The following MAPKAP1 variants were observed in gnomAD, a reference collection of about 807,000 sequenced individuals.
MAPKAP1 encodes the protein target of rapamycin complex 2 subunit MAPKAP1.
Under a neutral mutation model 65.7 loss-of-function variants are expected in MAPKAP1, and 20 were observed. The ratio of observed to expected loss-of-function variants is 0.30; its 90% CI spans 0.21 to 0.44. The LOEUF (loss-of-function observed/expected upper bound fraction) is 0.44, where lower values mean the gene tolerates loss of function less well. MAPKAP1 is among the 20% of genes least tolerant of loss of function. MAPKAP1 has a pLI of 1.00. For missense variants in MAPKAP1, 423 were observed against 648.0 expected, an observed-to-expected ratio of 0.65 and a Z score of 3.77; for synonymous variants, 222 against 244.3, an observed-to-expected ratio of 0.91 and a Z score of 0.85.
intron 4 of MAPKAP1, among the ~76,000 whole-genome samples, chr9:125,633,043 T>A (rs1833331431): frequency 6.6e-6 from 1 of 152,168 alleles, no homozygotes; most frequent in South Asian, 2.1e-4. Flanking sequence ...AATCACTACT[T>A]CCCTTTTTTG....
At chr9:125,501,505 C>G (rs1037582227) in intron 8 of MAPKAP1, among the ~76,000 whole-genome samples, 7 of 152,288 alleles carry the variant, frequency 4.6e-5, no homozygotes, top group Middle Eastern at 3.4e-3. Context: ...GAGTTTGGTA[C>G]CAAGATTATG....
intron 7 of MAPKAP1, among the ~76,000 whole-genome samples, chr9:125,513,582 G>A (rs1829372441): frequency 6.6e-6 from 1 of 152,144 alleles, no homozygotes. Flanking sequence ...TGTAAAATAG[G>A]GATAACAGAG....
In MAPKAP1 at chr9:125,626,296, G is replaced by GT. The variant is rs923393906; in HGVS notation, c.498+31354dup. 4.8e-4 allele frequency among the ~76,000 whole-genome samples: 73 copies of GT among 152,328 alleles called. 1 individual carries two copies. Among genetic ancestry groups the GT allele is most frequent in the African/African-American group, 1.6e-3 (67 of 41,570 alleles). ...GTGCCTGCTCAGCAACTGCTTCTGT[G>GT]TGTTCAGCATGTTGGGGTCAGGGCC... is the stretch of plus-strand genomic sequence containing the variant. On this transcript the variant is annotated intron_variant, in intron 4 of 11. Transcript: ENST00000265960.
chr9:125,693,849 A>ACC (rs1835304784), intron 1 of MAPKAP1, among the ~76,000 whole-genome samples: 1 of 146,478 alleles, frequency 6.8e-6, no homozygotes, highest in Admixed American at 6.9e-5. Flanking sequence ...ACACACATAC[A>ACC]CACACACACA....
chr9:125,686,074 T>C (rs1834964853), intron 1 of MAPKAP1, among the ~76,000 whole-genome samples: 8 of 151,930 alleles, frequency 5.3e-5, no homozygotes, highest in Admixed American at 5.2e-4. Context: ...CCCAGCACTT[T>C]GGGAAGCTGA....
chr9:125,644,648 A>T (rs1833674710), intron 4 of MAPKAP1, among the ~76,000 whole-genome samples: 1 of 152,260 alleles, frequency 6.6e-6, no homozygotes, highest in Non-Finnish European at 1.5e-5. Context: ...AGGCAGAGCT[A>T]TTAAAAGGTT....
chr9:125,606,407 T>C (rs1184189155), intron 4 of MAPKAP1, among the ~76,000 whole-genome samples: 2 of 152,206 alleles, frequency 1.3e-5, no homozygotes, highest in Non-Finnish European at 2.9e-5. Context: ...TGGGGTATAG[T>C]AGAAAAGACC....
chr9:125,501,896 T>C (rs932785733), intron 8 of MAPKAP1, among the ~76,000 whole-genome samples: 1 of 152,186 alleles, frequency 6.6e-6, no homozygotes, highest in Non-Finnish European at 1.5e-5. Context: ...TGTGTTTCTC[T>C]TCCTTGTTTT....
chr9:125,556,484 G>A (rs1830738594), intron 6 of MAPKAP1, among the ~76,000 whole-genome samples: 1 of 152,218 alleles, frequency 6.6e-6, no homozygotes. Context: ...CAGGTTCCAC[G>A]CCTCTAAATT....
chr9:125,474,899 G>A (rs10819050), intron 9 of MAPKAP1, among the ~76,000 whole-genome samples: 19 of 152,010 alleles, frequency 1.2e-4, no homozygotes, highest in Non-Finnish European at 1.9e-4. Flanking sequence ...TCAGGTTACC[G>A]AGAGCCTATG....
chr9:125,591,170 C>T (rs1831949979), intron 4 of MAPKAP1, among the ~76,000 whole-genome samples: 1 of 152,226 alleles, frequency 6.6e-6, no homozygotes, highest in African/African-American at 2.4e-5. Context: ...AAGACTCAAA[C>T]CTCATGTCAG....
chr9:125,478,679 A>G (rs1267525862), intron 9 of MAPKAP1, among the ~76,000 whole-genome samples: 1 of 152,148 alleles, frequency 6.6e-6, no homozygotes, highest in African/African-American at 2.4e-5. Context: ...GTGGTATGAC[A>G]GATTGGGTCT....
At chr9:125,636,049 T>C (rs1833414240) in intron 4 of MAPKAP1, among the ~76,000 whole-genome samples, 2 of 152,250 alleles carry the variant, frequency 1.3e-5, no homozygotes, top group South Asian at 4.1e-4. Flanking sequence ...GAACAGCTGC[T>C]GCTTTGAAGT....
At chr9:125,543,336 G>A (rs546968460) in intron 6 of MAPKAP1, among the ~76,000 whole-genome samples, 168 bp from the exon 7 acceptor site, 1 of 152,092 alleles carries the variant, frequency 6.6e-6, no homozygotes, top group South Asian at 2.1e-4. Context: ...GTGCAATCTC[G>A]GCTCACTGCA....
intron 10 of MAPKAP1, among the ~76,000 whole-genome samples, chr9:125,466,861 A>G (rs1217944788): frequency 1.3e-5 from 2 of 152,202 alleles, no homozygotes; most frequent in Non-Finnish European, 2.9e-5. Context: ...ACACCCACCC[A>G]TAAATGAAGC....
At chr9:125,615,185 A>G (rs745815057) in intron 4 of MAPKAP1, among the ~76,000 whole-genome samples, 1 of 152,154 alleles carries the variant, frequency 6.6e-6, no homozygotes, top group African/African-American at 2.4e-5. Context: ...GGTATATGTG[A>G]ATCAATCTAA....
intron 4 of MAPKAP1, among the ~76,000 whole-genome samples, chr9:125,631,092 G>A (rs1479137652): frequency 1.4e-5 from 2 of 146,988 alleles, no homozygotes; most frequent in African/African-American, 5.0e-5. Context: ...GTGAGATCCT[G>A]TCTCAAAAAA....
chr9:125,506,098 G>A (rs1829131142), intron 8 of MAPKAP1: 2 of 605,156 alleles, frequency 3.3e-6, no homozygotes, highest in Non-Finnish European at 6.0e-6. Context: ...TAATCACAGA[G>A]TGCTAAACAG....
At chr9:125,521,092 A>T (rs1390188913) in intron 7 of MAPKAP1, among the ~76,000 whole-genome samples, 1 of 152,220 alleles carries the variant, frequency 6.6e-6, no homozygotes, top group Non-Finnish European at 1.5e-5. Flanking sequence ...ATGTACAACC[A>T]AAAACTTCAA....
Sources: gnomAD v4.1 joint callset for allele counts (sites outside exome capture counted in the v4.1 genomes callset) on GRCh38, gnomAD v4.1.1 for gene constraint, MANE v1.5 for transcripts, NCBI Gene and HGNC (gene_info 2026-07-23, HGNC 2026-07-21) for gene names.